HDAC5: variants seen among roughly 807,000 people sequenced by gnomAD.
HDAC5 encodes the protein histone deacetylase 5.
Under a neutral mutation model 133.3 loss-of-function variants are expected in HDAC5, and 25 were observed. That is an observed-to-expected ratio of 0.19 (90% confidence interval 0.14 to 0.26). HDAC5 has a LOEUF of 0.26. Among genes scored for constraint, HDAC5 ranks in the 10% least tolerant of loss-of-function variants. The probability of loss-of-function intolerance (pLI) is 1.00; values close to 1 mark genes in which losing one functional copy is unlikely to be tolerated. For synonymous variants in HDAC5, 589 were observed against 610.8 expected, an observed-to-expected ratio of 0.96 and a Z score of 0.53; for missense variants, 1,041 against 1,460.5, an observed-to-expected ratio of 0.71 and a Z score of 4.68.
chr17:44,092,636 G>A (rs374577205), intron 7 of HDAC5, 40 bp downstream of exon 7: 17 of 1,532,798 alleles, frequency 1.1e-5, no homozygotes, highest in Middle Eastern at 3.5e-4. Flanking sequence ...CTGCCTCCCA[G>A]GAGCCATATT....
At chr17:44,082,488 G>A in intron 20 of HDAC5, 97 bp downstream of exon 20, 1 of 937,456 alleles carries the variant, frequency 1.1e-6, no homozygotes, top group Non-Finnish European at 1.7e-6. Flanking sequence ...GACGACTGGG[G>A]TGCTTGAAGG....
chr17:44,101,794 C>A (rs2051624880), intron 3 of HDAC5, among the ~76,000 whole-genome samples: 1 of 151,958 alleles, frequency 6.6e-6, no homozygotes, highest in African/African-American at 2.4e-5. Flanking sequence ...CGTGTGCAGT[C>A]TGGCTCCCAT....
intron 25 of HDAC5, 46 bp from the exon 26 acceptor site, chr17:44,078,711 C>G: frequency 6.2e-7 from 1 of 1,607,904 alleles, no homozygotes; most frequent in South Asian, 1.1e-5. Flanking sequence ...CAGAGGACAC[C>G]CACATGAACA....
chr17:44,120,691 A>C (rs62078931), intron 1 of HDAC5: 60,246 of 151,254 alleles, frequency 0.4, 14,985 homozygotes, highest in South Asian at 0.56. Context: ...CGGTGAGCCA[A>C]GATTGTGTCA....
At chr17:44,099,359 C>T (rs375846729) in intron 3 of HDAC5, among the ~76,000 whole-genome samples, 27 of 152,164 alleles carry the variant, frequency 1.8e-4, no homozygotes, top group African/African-American at 6.3e-4. Context: ...GTGGTGGCCT[C>T]AGTAACAAGC....
intron 3 of HDAC5, among the ~76,000 whole-genome samples, chr17:44,099,075 C>T (rs1056568952): frequency 1.3e-5 from 2 of 152,170 alleles, no homozygotes; most frequent in Non-Finnish European, 2.9e-5. Context: ...AAGATCGCGA[C>T]ATTGCACTCC....
At chr17:44,096,280 G>T (rs931898152) in intron 3 of HDAC5, among the ~76,000 whole-genome samples, 2 of 151,994 alleles carry the variant, frequency 1.3e-5, no homozygotes, top group African/African-American at 4.8e-5. Context: ...AGCCCAGGGA[G>T]GTCACGAGGG....
At chr17:44,087,331 A>T in intron 13 of HDAC5, 81 bp downstream of exon 13, 1 of 687,696 alleles carries the variant, frequency 1.5e-6, no homozygotes, top group South Asian at 1.7e-5. Context: ...GATGGGGGAG[A>T]GGGAAAGACA....
chr17:44,108,322 A>G (rs1045395864), intron 3 of HDAC5, among the ~76,000 whole-genome samples: 2 of 152,176 alleles, frequency 1.3e-5, no homozygotes, highest in East Asian at 3.9e-4. Context: ...GAATCCTGCC[A>G]GCAATTCTGG....
chr17:44,108,672 G>A (rs564393795), intron 3 of HDAC5, among the ~76,000 whole-genome samples: 56 of 149,218 alleles, frequency 3.8e-4, no homozygotes, highest in Non-Finnish European at 7.2e-4. Flanking sequence ...CCTCATGGCC[G>A]TGTTTATCCG....
At chr17:44,119,430 G>C (rs941262199) in intron 1 of HDAC5, among the ~76,000 whole-genome samples, 1 of 152,232 alleles carries the variant, frequency 6.6e-6, no homozygotes, top group Non-Finnish European at 1.5e-5. Flanking sequence ...ACCAGGTTAA[G>C]GTTAGCCCCT....
chr17:44,106,316 C>T (rs1041341285), intron 3 of HDAC5, among the ~76,000 whole-genome samples: 1 of 152,190 alleles, frequency 6.6e-6, no homozygotes, highest in South Asian at 2.1e-4. Context: ...ACCAAGTGGT[C>T]CTCAGTATTT....
chr17:44,093,236 G>T, intron 5 of HDAC5, 30 bp from the exon 6 acceptor site: 2 of 1,591,588 alleles, frequency 1.3e-6, no homozygotes, highest in Non-Finnish European at 1.7e-6. Flanking sequence ...TGACCTGGCT[G>T]CTTGGGGCCA....
In HDAC5 at chr17:44,102,665, CTCT is replaced by C. The variant is rs1322548904; in HGVS notation, c.94+8061_94+8063del. ...TGAGCCATATGCCCGGCCAGGTTCT[CTCT>C]TTTTTTTTTTTTTTTGGAGACAGTC... On this transcript the variant is annotated intron_variant, in intron 3 of 26. Coordinates refer to ENST00000682912, the MANE Select transcript of HDAC5 (RefSeq NM_005474.5). 1.4e-4 allele frequency among the ~76,000 whole-genome samples: 17 copies of C among 117,290 alleles called. 1 individual carries two copies. Among genetic ancestry groups the C allele is most frequent in the South Asian group, 7.7e-4 (2 of 2,598 alleles). 76.9% of individuals were successfully genotyped at this position (117,290 alleles called of 152,430 possible). A position where few individuals can be genotyped will look rare whatever the true frequency, so the allele number is the denominator to read the frequency against.
chr17:44,083,893 T>G (rs1251504190), intron 16 of HDAC5, 39 bp from the exon 17 acceptor site: 2 of 1,570,012 alleles, frequency 1.3e-6, no homozygotes, highest in African/African-American at 2.7e-5. Context: ...AGAAGTGGCC[T>G]CGGGCGGATC....
intron 20 of HDAC5, among the ~76,000 whole-genome samples, chr17:44,081,416 A>AT (rs1422261081): frequency 2.7e-5 from 4 of 150,258 alleles, no homozygotes; most frequent in East Asian, 2.0e-4. Flanking sequence ...TGCCCGGCCA[A>AT]TTTTTTTTGT....
chr17:44,096,781 T>A (rs1473517832), intron 3 of HDAC5, among the ~76,000 whole-genome samples: 1 of 135,158 alleles, frequency 7.4e-6, no homozygotes, highest in Non-Finnish European at 1.6e-5. Flanking sequence ...TGGCCTTTTT[T>A]TTAGATGGAG....
chr17:44,078,897 A>G lies in HDAC5; in HGVS notation c.3079-18T>C, dbSNP rs753791302. ...GGCTGCAGCTGGCAGGGGAAAGAAG[A>G]GAAGGCTTAGGGTGGGGAGTAGGGT... On this transcript the variant is annotated intron_variant, in intron 24 of 26. Transcript: ENST00000682912. 1.2e-6 allele frequency: 2 copies of G among 1,613,732 alleles called. No homozygotes were observed. Among genetic ancestry groups the G allele is most frequent in the African/African-American group, 1.3e-5 (1 of 75,024 alleles).
chr17:44,108,941 C>A (rs2052165356), intron 3 of HDAC5, among the ~76,000 whole-genome samples: 1 of 151,656 alleles, frequency 6.6e-6, no homozygotes, highest in African/African-American at 2.4e-5. Flanking sequence ...ACTCTGAAGG[C>A]CAGCCAGCGT....
Sources: allele counts gnomAD v4.1 joint callset (sites outside exome capture counted in the v4.1 genomes callset), GRCh38; gene constraint gnomAD v4.1.1; transcripts MANE v1.5; gene names NCBI Gene and HGNC (gene_info 2026-07-23, HGNC 2026-07-21).